The following PHACTR1 variants were observed in gnomAD, a reference collection of about 807,000 sequenced individuals.
The protein encoded by PHACTR1 is phosphatase and actin regulator 1.
In PHACTR1, 16 loss-of-function variants were observed where a neutral mutation model predicts 69.2. The ratio of observed to expected loss-of-function variants is 0.23; its 90% CI spans 0.16 to 0.35. The LOEUF is 0.35. Ranked by LOEUF, PHACTR1 falls within the 10% of genes least tolerant of loss-of-function variation. The probability of loss-of-function intolerance (pLI) is 1.00; values close to 1 mark genes in which losing one functional copy is unlikely to be tolerated. For missense variants in PHACTR1, 510 were observed against 734.7 expected (o/e 0.69, Z 3.54); for synonymous variants, 312 against 284.5 (o/e 1.10, Z -0.97).
Position 12,836,980 on chromosome 6 carries a change from C to G in PHACTR1, c.250+87190C>G, listed in dbSNP as rs539364309. ...CCTCAATTTTCCAGCCCCTCCCCCT[C>G]TATGTTCCTCTTTAAAACACCAGCC... On this transcript the variant is annotated intron_variant, in intron 4 of 14. Coordinates refer to ENST00000332995, the MANE Select transcript of PHACTR1 (RefSeq NM_030948.6). Among the ~76,000 whole-genome samples the G allele has an allele frequency of 2.0e-5, 3 of 152,250 alleles. No homozygotes were observed. The South Asian group carries it at 6.2e-4, about 32-fold the overall frequency.
chr6:13,098,819 G>T (rs917206637), intron 5 of PHACTR1, among the ~76,000 whole-genome samples: 3 of 152,148 alleles, frequency 2.0e-5, no homozygotes, highest in East Asian at 1.9e-4. Flanking sequence ...TCCTTCCTAG[G>T]CTATCCAATA....
At chr6:12,776,903 T>G (rs1242729326) in intron 4 of PHACTR1, among the ~76,000 whole-genome samples, 1 of 152,194 alleles carries the variant, frequency 6.6e-6, no homozygotes, top group African/African-American at 2.4e-5. Context: ...ATGATATAGC[T>G]TGTTACAAAA....
chr6:13,044,874 C>G lies in PHACTR1; in HGVS notation c.251-8491C>G, dbSNP rs556582572. On this transcript the variant is annotated intron_variant, in intron 4 of 14. Coordinates refer to ENST00000332995, the MANE Select transcript of PHACTR1 (RefSeq NM_030948.6). ...CTTAGCAGATAATGTCCTACCGGTT[C>G]TTCTTGTCCTAGTGATCTAGGGCGG... Among the ~76,000 whole-genome samples the G allele has an allele frequency of 1.1e-4, 16 of 152,288 alleles. 2 individuals are homozygous for G. In the South Asian group the frequency reaches 3.3e-3, roughly 32 times the overall value.
chr6:12,754,877 A>G (rs1430915792), intron 4 of PHACTR1, among the ~76,000 whole-genome samples: 1 of 152,248 alleles, frequency 6.6e-6, no homozygotes, highest in East Asian at 1.9e-4. Flanking sequence ...AATTTAAAGT[A>G]TACAGGAGGA....
chr6:13,103,810 G>A (rs943919247), intron 5 of PHACTR1, among the ~76,000 whole-genome samples: 10 of 152,194 alleles, frequency 6.6e-5, no homozygotes, highest in South Asian at 2.1e-4. Flanking sequence ...TTGGCAGGGT[G>A]CAGTGGCGCA....
intron 6 of PHACTR1, among the ~76,000 whole-genome samples, chr6:13,166,094 G>GT (rs1157306157): frequency 6.6e-6 from 1 of 152,098 alleles, no homozygotes; most frequent in Non-Finnish European, 1.5e-5. Flanking sequence ...GGCCCTCGAG[G>GT]TTTGCGTTGG....
At chr6:12,784,144 T>C (rs1771189809) in intron 4 of PHACTR1, among the ~76,000 whole-genome samples, 1 of 152,032 alleles carries the variant, frequency 6.6e-6, no homozygotes, top group South Asian at 2.1e-4. Context: ...CATATACATA[T>C]GTATCTATAC....
intron 4 of PHACTR1, among the ~76,000 whole-genome samples, chr6:13,040,246 A>G (rs1316338380): frequency 6.6e-6 from 1 of 152,204 alleles, no homozygotes; most frequent in Non-Finnish European, 1.5e-5. Flanking sequence ...GGCTGAGAGC[A>G]GGACCCTTGA....
At chr6:13,189,467 C>T (rs141158883) in intron 7 of PHACTR1, among the ~76,000 whole-genome samples, 59 of 150,760 alleles carry the variant, frequency 3.9e-4, no homozygotes, top group African/African-American at 1.2e-3. Context: ...AGCACAATCA[C>T]GGCTCACTGC....
intron 5 of PHACTR1, among the ~76,000 whole-genome samples, chr6:13,111,023 A>G (rs910158170): frequency 6.6e-6 from 1 of 152,154 alleles, no homozygotes; most frequent in African/African-American, 2.4e-5. Context: ...AGTCCTTTGA[A>G]TGGATATACC....
intron 4 of PHACTR1, among the ~76,000 whole-genome samples, chr6:12,864,076 C>T (rs891647013): frequency 1.3e-5 from 2 of 152,090 alleles, no homozygotes; most frequent in African/African-American, 4.8e-5. Context: ...CCTGATCTGG[C>T]GTAGAGTGGT....
At chr6:13,134,571 G>T (rs1821226606) in intron 5 of PHACTR1, among the ~76,000 whole-genome samples, 1 of 152,022 alleles carries the variant, frequency 6.6e-6, no homozygotes, top group African/African-American at 2.4e-5. Context: ...GTTGTGCTTT[G>T]TTAAACAGAT....
chr6:13,058,465 C>T (rs1807130885), intron 5 of PHACTR1, among the ~76,000 whole-genome samples: 1 of 152,140 alleles, frequency 6.6e-6, no homozygotes, highest in African/African-American at 2.4e-5. Flanking sequence ...TACTGAGTGT[C>T]CACCACATGC....
intron 4 of PHACTR1, among the ~76,000 whole-genome samples, chr6:12,949,037 G>A (rs188201762): frequency 9.3e-4 from 141 of 152,218 alleles, no homozygotes; most frequent in Non-Finnish European, 7.8e-4. Flanking sequence ...TTTGGAGGCC[G>A]AGGCGGGCAG....
At chr6:13,232,622 C>T (rs1188597263) in intron 10 of PHACTR1, among the ~76,000 whole-genome samples, 2 of 152,136 alleles carry the variant, frequency 1.3e-5, no homozygotes, top group Non-Finnish European at 2.9e-5. Flanking sequence ...CCACTCCCAC[C>T]CATTGGTCTT....
At chr6:12,865,370 G>A (rs533797804) in intron 4 of PHACTR1, among the ~76,000 whole-genome samples, 7 of 152,240 alleles carry the variant, frequency 4.6e-5, no homozygotes, top group African/African-American at 1.7e-4. Flanking sequence ...GCACTAATTT[G>A]ACAAATACCA....
intron 4 of PHACTR1, among the ~76,000 whole-genome samples, chr6:13,034,100 T>C (rs1802902260): frequency 6.6e-6 from 1 of 151,858 alleles, no homozygotes; most frequent in Non-Finnish European, 1.5e-5. Flanking sequence ...CACTGCAGGC[T>C]CCGCCCCCTG....
chr6:13,070,336 A>G (rs1015149098), intron 5 of PHACTR1, among the ~76,000 whole-genome samples: 1 of 152,168 alleles, frequency 6.6e-6, no homozygotes. Context: ...TAGCACTACT[A>G]GTAACAATGG....
intron 12 of PHACTR1, among the ~76,000 whole-genome samples, chr6:13,282,974 T>C (rs759197565): frequency 2.0e-5 from 3 of 152,188 alleles, no homozygotes; most frequent in Non-Finnish European, 2.9e-5. Context: ...AATCTTTATA[T>C]ATTCTATACT....
Sources: allele counts gnomAD v4.1 joint callset (sites outside exome capture counted in the v4.1 genomes callset), GRCh38; gene constraint gnomAD v4.1.1; transcripts MANE v1.5; gene names NCBI Gene and HGNC (gene_info 2026-07-23, HGNC 2026-07-21).